GRIA4: variants seen among roughly 807,000 people sequenced by gnomAD.
GRIA4 encodes the protein glutamate ionotropic receptor AMPA type subunit 4, also known as glutamate receptor 4.
Under a neutral mutation model 104.0 loss-of-function variants are expected in GRIA4, and 34 were observed. The observed-to-expected ratio is 0.33, with a 90% CI of 0.25 to 0.44. The LOEUF is 0.44. Ranked by LOEUF, GRIA4 falls within the 20% of genes least tolerant of loss-of-function variation. GRIA4 has a pLI of 1.00. For synonymous variants in GRIA4, 386 were observed against 381.9 expected (o/e 1.01, Z -0.13); for missense variants, 750 against 1,096.5 (o/e 0.68, Z 4.46).
At chr11:105,667,137 A>C (rs1293278937) in intron 3 of GRIA4, among the ~76,000 whole-genome samples, 1 of 152,010 alleles carries the variant, frequency 6.6e-6, no homozygotes, top group Non-Finnish European at 1.5e-5. Flanking sequence ...AAAAATTTTT[A>C]ATTAAGAAAA....
At chr11:105,918,281 T>A (rs1166679885) in intron 10 of GRIA4, among the ~76,000 whole-genome samples, 1 of 152,128 alleles carries the variant, frequency 6.6e-6, no homozygotes, top group Non-Finnish European at 1.5e-5. Flanking sequence ...TGTGGCTAAA[T>A]AAGATGCAGA....
intron 3 of GRIA4, among the ~76,000 whole-genome samples, chr11:105,629,473 AAGAT>A (rs1047468531): frequency 6.6e-6 from 1 of 152,034 alleles, no homozygotes; most frequent in African/African-American, 2.4e-5. Context: ...GTGAGGGAAA[AAGAT>A]AGGTTCTCTT....
chr11:105,781,216 T>C (rs1941711766), intron 4 of GRIA4, among the ~76,000 whole-genome samples: 1 of 152,182 alleles, frequency 6.6e-6, no homozygotes, highest in Non-Finnish European at 1.5e-5. Context: ...AATGTTAACA[T>C]TAGTCAGATG....
At chr11:105,923,527 G>A (rs1947625477) in intron 11 of GRIA4, among the ~76,000 whole-genome samples, 1 of 152,134 alleles carries the variant, frequency 6.6e-6, no homozygotes, top group Non-Finnish European at 1.5e-5. Flanking sequence ...ATCAGCATCA[G>A]CCACAGAATC....
intron 15 of GRIA4, 84 bp from the exon 16 acceptor site, chr11:105,974,226 A>T (rs1480563510): frequency 4.4e-6 from 6 of 1,363,278 alleles, no homozygotes; most frequent in African/African-American, 1.5e-5. Context: ...ATTTACTTTC[A>T]TTGGCTTTTT....
At chr11:105,630,687 G>GA (rs1209610218) in intron 3 of GRIA4, among the ~76,000 whole-genome samples, 2 of 151,924 alleles carry the variant, frequency 1.3e-5, no homozygotes, top group African/African-American at 2.4e-5. Flanking sequence ...AGGCATTAAT[G>GA]AAAAAAATGA....
intron 3 of GRIA4, among the ~76,000 whole-genome samples, chr11:105,684,532 AATATATATATATACAT>A (rs915361253): frequency 1.7e-5 from 1 of 57,984 alleles, no homozygotes; most frequent in African/African-American, 4.6e-5. Flanking sequence ...AAATAAGGCA[AATATATATATATACAT>A]ATATATATAT....
chr11:105,633,027 T>C (rs184241425), intron 3 of GRIA4, among the ~76,000 whole-genome samples: 2 of 152,252 alleles, frequency 1.3e-5, no homozygotes, highest in Admixed American at 6.5e-5. Context: ...AAATAAAAGG[T>C]CCTAAAGCAA....
chr11:105,804,307 C>A (rs1426514508), intron 4 of GRIA4, among the ~76,000 whole-genome samples: 1 of 151,382 alleles, frequency 6.6e-6, no homozygotes, highest in Non-Finnish European at 1.5e-5. Flanking sequence ...ACTTCATGAA[C>A]ATCAAATGTT....
At chr11:105,931,698 C>G (rs1053635294) in intron 13 of GRIA4, among the ~76,000 whole-genome samples, 1 of 151,894 alleles carries the variant, frequency 6.6e-6, no homozygotes, top group Non-Finnish European at 1.5e-5. Context: ...GAGCAAGACT[C>G]CATCTGCCCC....
intron 3 of GRIA4, among the ~76,000 whole-genome samples, chr11:105,655,201 T>C (rs914929778): frequency 6.6e-6 from 1 of 152,154 alleles, no homozygotes; most frequent in Admixed American, 6.6e-5. Flanking sequence ...ATTATACACA[T>C]GATTATTAGT....
In GRIA4 at chr11:105,692,247, C is replaced by CT. The variant is rs78680304; in HGVS notation, c.248-60726dup. Among the ~76,000 whole-genome samples, 508 of 146,904 alleles carry CT rather than the reference C, an allele frequency of 3.5e-3. 1 individual carries two copies. The highest frequency in any genetic ancestry group is 7.4e-3 in the East Asian group (37 of 5,006). Reference sequence around the variant, plus strand: ...CACATTACATATATAATCATTTCCTCTTTTTTTTAAAAAAAAAAAGAAAGT... The same window carrying CT: ...CACATTACATATATAATCATTTCCTCTTTTTTTTTAAAAAAAAAAAGAAAGT... On this transcript the variant is annotated intron_variant, in intron 3 of 16. Transcript: ENST00000282499.
At chr11:105,679,528 C>A (rs559222651) in intron 3 of GRIA4, among the ~76,000 whole-genome samples, 3 of 152,170 alleles carry the variant, frequency 2.0e-5, no homozygotes, top group South Asian at 4.2e-4. Context: ...ATTGAGCAAC[C>A]CTTATCCCAG....
At chr11:105,874,693 G>A (rs187289963) in intron 5 of GRIA4, among the ~76,000 whole-genome samples, 20 of 152,162 alleles carry the variant, frequency 1.3e-4, no homozygotes, top group East Asian at 1.2e-3. Context: ...GTGAATGGGC[G>A]TTCACTATTG....
chr11:105,786,052 G>A (rs1941946510), intron 4 of GRIA4, among the ~76,000 whole-genome samples: 1 of 151,568 alleles, frequency 6.6e-6, no homozygotes, highest in Admixed American at 6.6e-5. Flanking sequence ...AGCTGAGGCA[G>A]GGGAATCGCT....
At chr11:105,757,726 A>G (rs1256301616) in intron 4 of GRIA4, among the ~76,000 whole-genome samples, 2 of 151,850 alleles carry the variant, frequency 1.3e-5, no homozygotes, top group African/African-American at 2.4e-5. Flanking sequence ...TTCCTTCCCT[A>G]TTTCCTTCCC....
intron 9 of GRIA4, among the ~76,000 whole-genome samples, chr11:105,909,121 T>C (rs987862756): frequency 5.9e-5 from 9 of 152,144 alleles, no homozygotes; most frequent in African/African-American, 1.9e-4. Flanking sequence ...GCAAGCCGTA[T>C]TAATAAAAAG....
At chr11:105,779,765 C>A (rs1941637737) in intron 4 of GRIA4, among the ~76,000 whole-genome samples, 1 of 152,104 alleles carries the variant, frequency 6.6e-6, no homozygotes. Flanking sequence ...TCAAACTATA[C>A]TACAAGGCTA....
Position 105,924,553 on chromosome 11 carries a change from C to G in GRIA4, c.1631C>G (p.Ala544Gly), listed in dbSNP as rs1004190805. The G allele has an allele frequency of 1.9e-6, 3 of 1,613,000 alleles. No homozygotes were observed. The African/African-American group carries it at 4.0e-5, about 22-fold the overall frequency. ...GTGTTTTCCTTCTTGGATCCTCTGG[C>G]CTATGAGATTTGGATGTGCATAGTC... Reference protein sequence around the residue: ...PGVFSFLDPLAYEIWMCIVFA... With the variant: ...PGVFSFLDPLGYEIWMCIVFA... The change falls in exon 12 of 17, where the codon GCC becomes GGC. Residue 544 changes from alanine (A) to glycine (G), a missense_variant. Transcript: ENST00000282499.
Sources: allele counts gnomAD v4.1 joint callset (sites outside exome capture counted in the v4.1 genomes callset), GRCh38; gene constraint gnomAD v4.1.1; transcripts MANE v1.5; gene names NCBI Gene and HGNC (gene_info 2026-07-23, HGNC 2026-07-21).